CYP19A1: variants seen among roughly 807,000 people sequenced by gnomAD.
CYP19A1 encodes cytochrome P450 family 19 subfamily A member 1.
Under a neutral mutation model 44.4 loss-of-function variants are expected in CYP19A1, and 32 were observed. The observed-to-expected ratio is 0.72, with a 90% CI of 0.54 to 0.97. The LOEUF (loss-of-function observed/expected upper bound fraction) is 0.97, where lower values mean the gene tolerates loss of function less well. Among genes scored for constraint, CYP19A1 ranks in the 50% least tolerant of loss-of-function variants. The probability of loss-of-function intolerance (pLI) is 0.00; values close to 1 mark genes in which losing one functional copy is unlikely to be tolerated. For synonymous variants in CYP19A1, 212 were observed against 215.6 expected, an observed-to-expected ratio of 0.98 and a Z score of 0.14; for missense variants, 598 against 637.8, an observed-to-expected ratio of 0.94 and a Z score of 0.67.
intron 9 of CYP19A1, chr15:51,211,525 G>A: frequency 8.7e-6 from 3 of 344,442 alleles, no homozygotes; most frequent in Non-Finnish European, 1.7e-5. Flanking sequence ...GACCACAGCT[G>A]TCTTGTCCAC....
At chr15:51,301,111 T>G (rs970137511) in intron 1 of CYP19A1, among the ~76,000 whole-genome samples, 2 of 152,154 alleles carry the variant, frequency 1.3e-5, no homozygotes, top group African/African-American at 2.4e-5. Context: ...CGCTGGGGCT[T>G]GGAATGATCA....
rs190549646 is a variant in CYP19A1, at chr15:51,232,485, C to T, written c.296+4374G>A. On this transcript the variant is annotated intron_variant, in intron 3 of 9. Transcript: ENST00000396402. Reference sequence around the variant, plus strand: ...CTAGAGGGTCTCAAGGTTCAGTTCTCTCTACTCAATCATCCCACTCAGATG... The same window carrying T: ...CTAGAGGGTCTCAAGGTTCAGTTCTTTCTACTCAATCATCCCACTCAGATG... Among the ~76,000 whole-genome samples the T allele has an allele frequency of 3.3e-5, 5 of 152,304 alleles. No individual in the cohort carries two copies. The East Asian group carries it at 9.6e-4, about 29-fold the overall frequency.
intron 8 of CYP19A1, 54 bp from the exon 9 acceptor site, chr15:51,212,615 T>C (rs2031136749): frequency 8.7e-7 from 1 of 1,155,750 alleles, no homozygotes; most frequent in South Asian, 1.2e-5. Flanking sequence ...CCATCTGTGA[T>C]TGGTATTAAA....
chr15:51,269,479 A>G (rs779770082), intron 1 of CYP19A1, among the ~76,000 whole-genome samples: 1 of 151,696 alleles, frequency 6.6e-6, no homozygotes, highest in African/African-American at 2.4e-5. Flanking sequence ...GAGCTCTCCA[A>G]CTTGGTTCTT....
Position 51,243,115 on chromosome 15 carries a change from AG to A in CYP19A1, c.-38-166del, listed in dbSNP as rs1010435645. Reference sequence around the variant, plus strand: ...TTATGGTTACAAGTCAAAACAAGGAAGCCCAAGAAAGATCTTTTGGCTTGAA... The same window carrying A: ...TTATGGTTACAAGTCAAAACAAGGAACCCAAGAAAGATCTTTTGGCTTGAA... On this transcript the variant is annotated intron_variant, in intron 1 of 9. Coordinates refer to ENST00000396402, the MANE Select transcript of CYP19A1 (RefSeq NM_000103.4). The A allele has an allele frequency of 5.1e-6, 3 of 590,290 alleles. No individual in the cohort carries two copies. In the African/African-American group the frequency reaches 5.6e-5, roughly 11 times the overall value. 36.6% of individuals were successfully genotyped at this position (590,290 alleles called of 1,614,324 possible).
At chr15:51,280,768 A>G (rs1179760282) in intron 1 of CYP19A1, among the ~76,000 whole-genome samples, 1 of 152,230 alleles carries the variant, frequency 6.6e-6, no homozygotes, top group Non-Finnish European at 1.5e-5. Context: ...GTACAGCTGT[A>G]ACTGTGTCAA....
At chr15:51,310,331 G>A (rs2036289540) in intron 1 of CYP19A1, among the ~76,000 whole-genome samples, 1 of 152,154 alleles carries the variant, frequency 6.6e-6, no homozygotes. Context: ...GAATTTCCTG[G>A]AATTTGTTTT....
intron 1 of CYP19A1, among the ~76,000 whole-genome samples, chr15:51,325,205 A>G (rs926388398): frequency 1.3e-5 from 2 of 152,070 alleles, no homozygotes; most frequent in African/African-American, 2.4e-5. Context: ...CTGTTTGCCT[A>G]GGGTCAGTGT....
chr15:51,226,484 T>C (rs542397875), intron 4 of CYP19A1, among the ~76,000 whole-genome samples: 2 of 152,172 alleles, frequency 1.3e-5, no homozygotes, highest in African/African-American at 4.8e-5. Context: ...ACAGCAAGAG[T>C]TGTGCTGAGT....
chr15:51,321,788 C>T (rs950721934), intron 1 of CYP19A1: 1 of 152,230 alleles, frequency 6.6e-6, no homozygotes, highest in Non-Finnish European at 1.5e-5. Context: ...GCACTAGGGA[C>T]TTGTCCTCTG....
chr15:51,222,593 G>C, intron 4 of CYP19A1, 68 bp from the exon 5 acceptor site: 2 of 1,334,782 alleles, frequency 1.5e-6, no homozygotes, highest in South Asian at 2.5e-5. Flanking sequence ...ATGCCATTTT[G>C]GCTTTTTATG....
intron 1 of CYP19A1, among the ~76,000 whole-genome samples, chr15:51,261,105 T>G (rs1225102374): frequency 6.6e-6 from 1 of 152,188 alleles, no homozygotes; most frequent in Non-Finnish European, 1.5e-5. Flanking sequence ...CTCGCCATTG[T>G]TCCTGCATGG....
At chr15:51,330,773 G>A (rs76881589) in intron 1 of CYP19A1, among the ~76,000 whole-genome samples, 1,957 of 152,338 alleles carry the variant, frequency 0.013, 47 homozygotes, top group African/African-American at 0.045. Flanking sequence ...TAGTGTCATG[G>A]AAGCTCAGAG....
intron 1 of CYP19A1, among the ~76,000 whole-genome samples, chr15:51,336,821 G>T (rs1822381687): frequency 6.6e-6 from 1 of 151,662 alleles, no homozygotes; most frequent in African/African-American, 2.4e-5. Context: ...GGCTGCTTTG[G>T]TCTCCAAAAA....
chr15:51,301,711 G>T (rs140854460), intron 1 of CYP19A1, among the ~76,000 whole-genome samples: 1,665 of 152,232 alleles, frequency 0.011, 20 homozygotes, highest in Non-Finnish European at 0.017. Context: ...ATCACTGGTT[G>T]CTTTGTCTTT....
At chr15:51,327,618 G>T (rs74016705) in intron 1 of CYP19A1, among the ~76,000 whole-genome samples, 8,151 of 151,958 alleles carry the variant, frequency 0.054, 736 homozygotes, top group African/African-American at 0.19. Context: ...CAGGATCCAG[G>T]GTCCACAGGT....
chr15:51,276,026 T>G (rs1177970153), intron 1 of CYP19A1, among the ~76,000 whole-genome samples: 1 of 152,232 alleles, frequency 6.6e-6, no homozygotes, highest in Non-Finnish European at 1.5e-5. Flanking sequence ...GAAACTGTCC[T>G]TCACAAAATT....
intron 1 of CYP19A1, among the ~76,000 whole-genome samples, chr15:51,283,901 GC>G (rs984735389): frequency 6.6e-6 from 1 of 152,190 alleles, no homozygotes; most frequent in Admixed American, 6.5e-5. Flanking sequence ...GACCTTTGCA[GC>G]ACAATTACCA....
chr15:51,323,315 G>A (rs2036556709), intron 1 of CYP19A1, among the ~76,000 whole-genome samples: 1 of 152,124 alleles, frequency 6.6e-6, no homozygotes, highest in African/African-American at 2.4e-5. Context: ...CCACACTCAG[G>A]CATAATACTT....
Sources: gnomAD v4.1 joint callset for allele counts (sites outside exome capture counted in the v4.1 genomes callset) on GRCh38, gnomAD v4.1.1 for gene constraint, MANE v1.5 for transcripts, NCBI Gene and HGNC (gene_info 2026-07-23, HGNC 2026-07-21) for gene names.